The following MGAT4C variants were observed in gnomAD, a reference collection of about 807,000 sequenced individuals.
MGAT4C encodes alpha-1,3-mannosyl-glycoprotein 4-beta-N-acetylglucosaminyltransferase C.
Under a neutral mutation model 40.1 loss-of-function variants are expected in MGAT4C, and 19 were observed. The ratio of observed to expected loss-of-function variants is 0.47; its 90% CI spans 0.33 to 0.70. MGAT4C has a LOEUF of 0.70. Ranked by LOEUF, MGAT4C falls within the 30% of genes least tolerant of loss-of-function variation. The pLI is 0.02. For synonymous variants in MGAT4C, 181 were observed against 187.1 expected (o/e 0.97, Z 0.27); for missense variants, 491 against 563.2 (o/e 0.87, Z 1.30).
At chr12:86,726,277 T>C (rs1950820025) in intron 2 of MGAT4C, among the ~76,000 whole-genome samples, 1 of 152,216 alleles carries the variant, frequency 6.6e-6, no homozygotes, top group African/African-American at 2.4e-5. Context: ...CTTTATTTCC[T>C]ACAAAAATGT....
chr12:86,699,289 T>A (rs566490896), intron 2 of MGAT4C, among the ~76,000 whole-genome samples: 1 of 152,298 alleles, frequency 6.6e-6, no homozygotes, highest in African/African-American at 2.4e-5. Context: ...AGAAAATCAA[T>A]ATGCTTTAGC....
intron 2 of MGAT4C, among the ~76,000 whole-genome samples, chr12:86,658,832 T>C (rs1187195275): frequency 1.3e-5 from 2 of 152,110 alleles, no homozygotes; most frequent in East Asian, 1.9e-4. Context: ...TTTCCAATAG[T>C]ATGTGATGCA....
At chr12:86,525,078 A>T (rs1227927955) in intron 2 of MGAT4C, among the ~76,000 whole-genome samples, 3 of 152,200 alleles carry the variant, frequency 2.0e-5, no homozygotes, top group African/African-American at 7.2e-5. Context: ...TTCAACTATA[A>T]TATGGTTTGG....
chr12:86,559,886 A>G (rs1380647857), intron 2 of MGAT4C, among the ~76,000 whole-genome samples: 1 of 151,882 alleles, frequency 6.6e-6, no homozygotes, highest in Non-Finnish European at 1.5e-5. Flanking sequence ...TGTTTTTAAG[A>G]TAAATGAAAC....
intron 3 of MGAT4C, among the ~76,000 whole-genome samples, chr12:86,432,646 A>G (rs1419062509): frequency 3.3e-5 from 5 of 152,036 alleles, no homozygotes; most frequent in Admixed American, 3.3e-4. Context: ...AACCCATTAA[A>G]TAATCTGTAT....
chr12:86,263,214 G>T (rs1287590044), intron 4 of MGAT4C, among the ~76,000 whole-genome samples: 1 of 152,064 alleles, frequency 6.6e-6, no homozygotes, highest in Non-Finnish European at 1.5e-5. Context: ...GGATACAAGT[G>T]CAGTTTTGTT....
intron 2 of MGAT4C, among the ~76,000 whole-genome samples, chr12:86,457,791 C>T (rs1957533766): frequency 6.6e-6 from 1 of 152,034 alleles, no homozygotes; most frequent in South Asian, 2.1e-4. Context: ...AAAATCAAAA[C>T]ATATTGCTTT....
chr12:86,456,529 G>C (rs999624964), intron 2 of MGAT4C, among the ~76,000 whole-genome samples: 3 of 152,094 alleles, frequency 2.0e-5, no homozygotes, highest in African/African-American at 7.2e-5. Flanking sequence ...TAGAGTTGGA[G>C]AGATCTCCCT....
chr12:86,222,141 G>C (rs1417716581), intron 1 of MGAT4C, among the ~76,000 whole-genome samples: 1 of 152,134 alleles, frequency 6.6e-6, no homozygotes, highest in Non-Finnish European at 1.5e-5. Flanking sequence ...CTCTCTCTCT[G>C]AGAAAGAAAA....
chr12:86,076,777 A>G (rs1022956637), intron 1 of MGAT4C, among the ~76,000 whole-genome samples: 1 of 152,122 alleles, frequency 6.6e-6, no homozygotes, highest in African/African-American at 2.4e-5. Context: ...CTGGGTCACA[A>G]CCACAACACG....
chr12:86,625,380 AAT>A (rs1414988940), intron 2 of MGAT4C, among the ~76,000 whole-genome samples: 5 of 152,346 alleles, frequency 3.3e-5, no homozygotes, highest in African/African-American at 1.2e-4. Flanking sequence ...ATATGAGAAC[AAT>A]ATTGTGCACA....
At position 85,970,471 on chromosome 12, in the gene MGAT4C, C is replaced by A. The variant is rs1296856043; in HGVS notation, c.*8818G>T. On this transcript the variant is annotated 3_prime_UTR_variant, in exon 5 of 5. Transcript: ENST00000611864. ...ACGTAGGCACATTACTTATAAATCC[C>A]CTTATGCTAACTTAAAACTTGTGAA... The A allele has an allele frequency of 1.3e-5, 2 of 151,222 alleles. No homozygotes were observed. The highest frequency in any genetic ancestry group is 3.0e-5 in the Non-Finnish European group (2 of 67,372). The allele number at this position is 151,222 out of a possible 1,614,324, so 9.4% of individuals were successfully genotyped here. A position where few individuals can be genotyped will look rare whatever the true frequency, so the allele number is the denominator to read the frequency against.
At chr12:86,386,495 T>C (rs1592774190) in intron 3 of MGAT4C, among the ~76,000 whole-genome samples, 1 of 152,204 alleles carries the variant, frequency 6.6e-6, no homozygotes, top group African/African-American at 2.4e-5. Context: ...GGACCGTTAA[T>C]ATTCAGGACT....
chr12:86,368,630 T>C (rs1471427549), intron 3 of MGAT4C, among the ~76,000 whole-genome samples: 3 of 152,122 alleles, frequency 2.0e-5, no homozygotes, highest in African/African-American at 7.2e-5. Context: ...TCCATTATGA[T>C]TTATTTTTTG....
At chr12:86,393,092 G>A (rs752928683) in intron 3 of MGAT4C, among the ~76,000 whole-genome samples, 1 of 151,992 alleles carries the variant, frequency 6.6e-6, no homozygotes, top group Admixed American at 6.6e-5. Context: ...TATCTTTCCA[G>A]GTTTTTGAAA....
Position 85,983,619 on chromosome 12 carries a change from CTGAATTCAGTTGATGT to C in MGAT4C, c.183_198del (p.His62AsnfsTer17). ...TCCTTGAAAGTATGAACATAGCGTT[CTGAATTCAGTTGATGT>C]GTGGATGTTTCCCTTATAAGTTGTT... On this transcript the variant is annotated frameshift_variant, in exon 4 of 5. Transcript: ENST00000611864. LOFTEE classifies it high-confidence loss of function. 6.3e-7 allele frequency: 1 copy of C among 1,595,714 alleles called. No individual in the cohort carries two copies. The highest frequency in any genetic ancestry group is 8.5e-7 in the Non-Finnish European group (1 of 1,171,534).
At chr12:86,131,961 T>C (rs1189878042) in intron 1 of MGAT4C, among the ~76,000 whole-genome samples, 1 of 152,094 alleles carries the variant, frequency 6.6e-6, no homozygotes, top group Non-Finnish European at 1.5e-5. Flanking sequence ...CGAGAATAGA[T>C]AACACTAAAG....
intron 4 of MGAT4C, among the ~76,000 whole-genome samples, chr12:86,268,891 GT>G (rs146652106): frequency 0.087 from 12,079 of 138,530 alleles, 699 homozygotes; most frequent in Middle Eastern, 0.22. Flanking sequence ...AAGAAAGGGT[GT>G]TTTTTTTTTG....
At chr12:86,176,353 G>A (rs973416583) in intron 1 of MGAT4C, among the ~76,000 whole-genome samples, 8 of 152,088 alleles carry the variant, frequency 5.3e-5, no homozygotes, top group Non-Finnish European at 1.0e-4. Context: ...TCAGGATTCA[G>A]CACAAACATA....
Sources: gnomAD v4.1 joint callset for allele counts (sites outside exome capture counted in the v4.1 genomes callset) on GRCh38, gnomAD v4.1.1 for gene constraint, MANE v1.5 for transcripts, NCBI Gene and HGNC (gene_info 2026-07-23, HGNC 2026-07-21) for gene names.